Variants in KIF13B observed in about 807,000 individuals in gnomAD.
The protein encoded by KIF13B is kinesin family member 13B, also known as kinesin-like protein KIF13B.
Under a neutral mutation model 222.0 loss-of-function variants are expected in KIF13B, and 127 were observed. The observed-to-expected ratio is 0.57, with a 90% CI of 0.50 to 0.66. KIF13B has a LOEUF of 0.66. Among genes scored for constraint, KIF13B ranks in the 30% least tolerant of loss-of-function variants. The pLI is 0.00. For synonymous variants in KIF13B, 976 were observed against 919.0 expected (o/e 1.06, Z -1.12); for missense variants, 2,173 against 2,379.0 (o/e 0.91, Z 1.80).
At chr8:29,195,887 C>A (rs138185517) in intron 3 of KIF13B, among the ~76,000 whole-genome samples, 162 of 152,324 alleles carry the variant, frequency 1.1e-3, no homozygotes, top group African/African-American at 3.7e-3. Flanking sequence ...GAGGATGAGT[C>A]GGCTTTGACC....
intron 36 of KIF13B, among the ~76,000 whole-genome samples, chr8:29,096,554 G>A (rs932297792): frequency 2.6e-5 from 4 of 152,014 alleles, no homozygotes; most frequent in Non-Finnish European, 4.4e-5. Flanking sequence ...AAAGTGCTAG[G>A]GCTACAGGTG....
chr8:29,213,719 C>G lies in KIF13B; in HGVS notation c.150-17520G>C, dbSNP rs553924018. Among the ~76,000 whole-genome samples, 532 of 151,848 alleles carry G rather than the reference C, an allele frequency of 3.5e-3. 6 individuals are homozygous for G. Among genetic ancestry groups the G allele is most frequent in the African/African-American group, 0.012 (507 of 41,378 alleles). On this transcript the variant is annotated intron_variant, in intron 2 of 39. Coordinates refer to ENST00000524189, the MANE Select transcript of KIF13B (RefSeq NM_015254.4). ...ATTCTAGTACTTTGGGAGGCTGAGG[C>G]GGGTGGATCACCTGAGGTCAGGAGT...
intron 2 of KIF13B, among the ~76,000 whole-genome samples, chr8:29,225,688 C>G (rs1814989616): frequency 6.6e-6 from 1 of 152,306 alleles, no homozygotes; most frequent in Admixed American, 6.5e-5. Flanking sequence ...TGGATCGATT[C>G]CTGTGTTACC....
In KIF13B at chr8:29,188,549, G is replaced by C. The variant is rs1446176468; in HGVS notation, c.282C>G (p.Gly94=). ...GENILQNAFD[G]YNACIFAYGQ... ...CATAGGCAAAGATACATGCATTGTAGCCATCAAAAGCATTCTGCAGGATAT... is the reference window on the plus strand; with the variant it reads ...CATAGGCAAAGATACATGCATTGTACCCATCAAAAGCATTCTGCAGGATAT... Residue 94 remains glycine, a synonymous_variant, in exon 5 of 40, where the codon GGC becomes GGG. Coordinates refer to ENST00000524189, the MANE Select transcript of KIF13B (RefSeq NM_015254.4). The C allele has an allele frequency of 6.2e-7, 1 of 1,611,112 alleles. No homozygotes were observed. Among genetic ancestry groups the C allele is most frequent in the African/African-American group, 1.3e-5 (1 of 74,982 alleles).
chr8:29,182,112 A>G (rs1046582010), intron 6 of KIF13B, 106 bp from the exon 7 acceptor site: 2 of 772,260 alleles, frequency 2.6e-6, no homozygotes, highest in East Asian at 2.7e-5. Context: ...AAGACCCCAA[A>G]TAAGTAAAAC....
intron 36 of KIF13B, 73 bp from the exon 37 acceptor site, chr8:29,092,951 A>G (rs901767874): frequency 7.4e-6 from 10 of 1,343,756 alleles, no homozygotes; most frequent in Non-Finnish European, 9.9e-6. Flanking sequence ...TACATTTGAC[A>G]GACATCACTT....
rs532442578 is a variant in KIF13B at position 29,084,167 on chromosome 8, C to T, written c.4458+8578G>A. ...TCCTGACGTCATGATCCGCCCACCT[C>T]GGCCTCCCAAAGTGCTGGGATTACA... On this transcript the variant is annotated intron_variant, in intron 37 of 39. Coordinates refer to ENST00000524189, the MANE Select transcript of KIF13B (RefSeq NM_015254.4). 3.9e-5 allele frequency among the ~76,000 whole-genome samples: 6 copies of T among 152,314 alleles called. No homozygotes were observed. The South Asian group carries it at 1.0e-3, about 26-fold the overall frequency.
Position 29,070,356 on chromosome 8 carries a change from G to A in KIF13B, c.*148C>T, listed in dbSNP as rs145704831. On this transcript the variant is annotated 3_prime_UTR_variant, in exon 40 of 40. Coordinates refer to ENST00000524189, the MANE Select transcript of KIF13B (RefSeq NM_015254.4). The surrounding 1 kb of genome is among the most constrained non-coding windows in gnomAD (Gnocchi z 4.1). ...GAAACAAAGCTTCCAGAGGCCCAGG[G>A]AGGTCACCAGCCCTGTGTCGTGCAA... The A allele has an allele frequency of 1.2e-4, 95 of 801,276 alleles. No homozygotes were observed. Among genetic ancestry groups the A allele is most frequent in the Non-Finnish European group, 1.3e-4 (67 of 514,658 alleles). 49.6% of individuals were successfully genotyped at this position (801,276 alleles called of 1,614,324 possible).
intron 12 of KIF13B, among the ~76,000 whole-genome samples, chr8:29,164,184 C>A (rs1405853521): frequency 1.3e-5 from 2 of 152,230 alleles, no homozygotes; most frequent in Non-Finnish European, 2.9e-5. Flanking sequence ...TAATCCCAGT[C>A]TGTGCTAATA....
chr8:29,080,976 C>T (rs1035577156), intron 37 of KIF13B, among the ~76,000 whole-genome samples: 10 of 152,140 alleles, frequency 6.6e-5, no homozygotes, highest in Non-Finnish European at 1.5e-4. Flanking sequence ...GGGAGCTTTC[C>T]GAAAAACAAA....
intron 21 of KIF13B, among the ~76,000 whole-genome samples, chr8:29,136,397 G>T (rs1440298469): frequency 6.6e-6 from 1 of 151,980 alleles, no homozygotes; most frequent in Non-Finnish European, 1.5e-5. Context: ...TGACCAACAT[G>T]GAGAAACCCC....
intron 37 of KIF13B, 83 bp downstream of exon 37, chr8:29,092,662 C>T: frequency 7.0e-7 from 1 of 1,423,650 alleles, no homozygotes; most frequent in Non-Finnish European, 9.3e-7. Context: ...CCAGAGGCCG[C>T]ACCTCCACCT....
intron 36 of KIF13B, among the ~76,000 whole-genome samples, chr8:29,094,748 G>A (rs993192850): frequency 1.6e-4 from 24 of 152,182 alleles, no homozygotes; most frequent in African/African-American, 5.3e-4. Flanking sequence ...CTTTAAGGCA[G>A]CTTTCTTAAC....
chr8:29,143,162 T>C (rs1810896111), intron 18 of KIF13B, among the ~76,000 whole-genome samples: 1 of 152,158 alleles, frequency 6.6e-6, no homozygotes, highest in Non-Finnish European at 1.5e-5. Flanking sequence ...ATTTTGACTG[T>C]AGTTGGAAAT....
chr8:29,133,587 T>G (rs1175440070), intron 22 of KIF13B, among the ~76,000 whole-genome samples: 1 of 152,128 alleles, frequency 6.6e-6, no homozygotes, highest in East Asian at 1.9e-4. Context: ...CGAGACTCTG[T>G]CTCAAAACAA....
In KIF13B at chr8:29,150,339, T is replaced by C; in HGVS notation, c.1580A>G (p.His527Arg). Residue 527 changes from histidine (H) to arginine (R), a missense_variant, in exon 15 of 40, where the codon CAC becomes CGC. Coordinates refer to ENST00000524189, the MANE Select transcript of KIF13B (RefSeq NM_015254.4). ...GSSVSSPIQL[H>R]HGDRILWGNN... ...TCCCCATAATATCCTGTCCCCATGGTGTAGCTGTATTGGACTGGAGACAGA... is the reference window on the plus strand; with the variant it reads ...TCCCCATAATATCCTGTCCCCATGGCGTAGCTGTATTGGACTGGAGACAGA... The C allele has an allele frequency of 6.3e-7, 1 of 1,595,916 alleles. No homozygotes were observed. Among genetic ancestry groups the C allele is most frequent in the Non-Finnish European group, 8.6e-7 (1 of 1,166,004 alleles).
At chr8:29,201,436 A>G (rs989492591) in intron 2 of KIF13B, among the ~76,000 whole-genome samples, 1 of 152,268 alleles carries the variant, frequency 6.6e-6, no homozygotes, top group African/African-American at 2.4e-5. Flanking sequence ...GAAATTTTAT[A>G]AACTCATCAC....
At chr8:29,260,502 A>G (rs753085438) in intron 1 of KIF13B, among the ~76,000 whole-genome samples, 1 of 152,240 alleles carries the variant, frequency 6.6e-6, no homozygotes, top group African/African-American at 2.4e-5. Flanking sequence ...ACAGTATTAC[A>G]TAATACTAAT....
chr8:29,206,976 G>A (rs548562855), intron 2 of KIF13B, among the ~76,000 whole-genome samples: 1 of 152,252 alleles, frequency 6.6e-6, no homozygotes, highest in East Asian at 1.9e-4. Flanking sequence ...ACGCCACCCT[G>A]CTTCATGCCC....
Sources: gnomAD v4.1 joint callset for allele counts (sites outside exome capture counted in the v4.1 genomes callset) on GRCh38, gnomAD v4.1.1 for gene constraint, Gnocchi (gnomAD v3.1) non-coding constraint, MANE v1.5 for transcripts, NCBI Gene and HGNC (gene_info 2026-07-23, HGNC 2026-07-21) for gene names.